The following MEF2C variants were observed in gnomAD, a reference collection of about 807,000 sequenced individuals.
MEF2C encodes myocyte-specific enhancer factor 2C.
MEF2C carries 6 observed loss-of-function variants against 50.5 expected under a neutral mutation model. The ratio of observed to expected loss-of-function variants is 0.12; its 90% CI spans 0.07 to 0.23. The LOEUF (loss-of-function observed/expected upper bound fraction) is 0.23, where lower values mean the gene tolerates loss of function less well. Among genes scored for constraint, MEF2C ranks in the 10% least tolerant of loss-of-function variants. MEF2C has a pLI of 1.00. For synonymous variants in MEF2C, 183 were observed against 228.0 expected, an observed-to-expected ratio of 0.80 and a Z score of 1.78; for missense variants, 276 against 605.0, an observed-to-expected ratio of 0.46 and a Z score of 5.70.
At chr5:88,852,609 G>C (rs748862403) in intron 1 of MEF2C, among the ~76,000 whole-genome samples, 1 of 151,912 alleles carries the variant, frequency 6.6e-6, no homozygotes, top group Non-Finnish European at 1.5e-5. Flanking sequence ...GGTGGCTCAC[G>C]CCTGTAATCC....
At chr5:88,794,106 C>T (rs1182208939) in intron 3 of MEF2C, among the ~76,000 whole-genome samples, 2 of 152,162 alleles carry the variant, frequency 1.3e-5, no homozygotes, top group African/African-American at 2.4e-5. Context: ...AATAAACATA[C>T]ATGTGCATGT....
At chr5:88,785,893 G>C (rs1179004170) in intron 3 of MEF2C, among the ~76,000 whole-genome samples, 1 of 151,976 alleles carries the variant, frequency 6.6e-6, no homozygotes, top group Non-Finnish European at 1.5e-5. Context: ...CTAGAAGTCT[G>C]AAGAGAGAGT....
intron 1 of MEF2C, among the ~76,000 whole-genome samples, chr5:88,866,900 T>A (rs192940295): frequency 6.6e-6 from 1 of 152,342 alleles, no homozygotes; most frequent in African/African-American, 2.4e-5. Context: ...TCTCACATTT[T>A]TGAATTAAAA....
chr5:88,734,561 G>GTTTTTTTT lies in MEF2C; in HGVS notation c.638-2661_638-2660insAAAAAAAA, dbSNP rs1554103551. ...ATGCTTCACGGAGGCCTTGAGAAAA[G>GTTTTTTTT]TTTGTTTTTTTTTTTTTTTTTTTTT... is the stretch of plus-strand genomic sequence containing the variant. On this transcript the variant is annotated intron_variant, in intron 6 of 10. Transcript: ENST00000504921. The GTTTTTTTT allele has an allele frequency of 4.9e-4, 124 of 254,270 alleles. 1 individual carries two copies. Among genetic ancestry groups the GTTTTTTTT allele is most frequent in the Admixed American group, 6.1e-4 (3 of 4,908 alleles). 15.8% of individuals were successfully genotyped at this position (254,270 alleles called of 1,614,324 possible).
At chr5:88,872,163 G>T (rs1829721292) in intron 1 of MEF2C, among the ~76,000 whole-genome samples, 1 of 151,896 alleles carries the variant, frequency 6.6e-6, no homozygotes, top group South Asian at 2.1e-4. Context: ...TACAAAAGTG[G>T]ATAATACTAA....
chr5:88,830,154 T>A (rs1812473111), intron 1 of MEF2C, among the ~76,000 whole-genome samples: 1 of 151,974 alleles, frequency 6.6e-6, no homozygotes, highest in South Asian at 2.1e-4. Flanking sequence ...AATTAAGAAG[T>A]TTCTCTTACA....
rs1169605093 is a variant in MEF2C, at chr5:88,797,454, C to CTTTTT, written c.258+7143_258+7144insAAAAA. On this transcript the variant is annotated intron_variant, in intron 3 of 10. Transcript: ENST00000504921. ...TCACAGACTAGGATTGCAACCCTTG[C>CTTTTT]CTTTTTTTTTTTTTTTTTTTTTTTT... Among the ~76,000 whole-genome samples the CTTTTT allele has an allele frequency of 8.3e-4, 21 of 25,218 alleles. 8 individuals carry two copies. The highest frequency in any genetic ancestry group is 1.9e-3 in the East Asian group (2 of 1,080). The allele number at this position is 25,218 out of a possible 152,430, so 16.5% of individuals were successfully genotyped here.
At chr5:88,777,981 T>TTG (rs1320613589) in intron 3 of MEF2C, among the ~76,000 whole-genome samples, 2 of 137,760 alleles carry the variant, frequency 1.5e-5, no homozygotes, top group African/African-American at 5.3e-5. Flanking sequence ...CTTGGCTCAC[T>TTG]GCAAGCTCCG....
At chr5:88,882,782 A>T (rs1319574061) in intron 1 of MEF2C, among the ~76,000 whole-genome samples, 173 bp downstream of exon 1, 1 of 152,188 alleles carries the variant, frequency 6.6e-6, no homozygotes, top group Non-Finnish European at 1.5e-5. Context: ...ACTTTTAGCA[A>T]CAAACAAGGA....
At chr5:88,775,836 T>C (rs1007839776) in intron 3 of MEF2C, 2 of 982,242 alleles carry the variant, frequency 2.0e-6, no homozygotes, top group Admixed American at 1.2e-4. Flanking sequence ...ATAGAGAGTA[T>C]TTTTGTGTGT....
intron 6 of MEF2C, chr5:88,744,189 T>C (rs1768221757): frequency 1.1e-6 from 1 of 918,802 alleles, no homozygotes; most frequent in African/African-American, 2.1e-5. Flanking sequence ...TTATTTCCAT[T>C]AAATCTAATG....
intron 2 of MEF2C, among the ~76,000 whole-genome samples, chr5:88,818,271 A>C (rs1365832132): frequency 1.3e-5 from 2 of 152,004 alleles, no homozygotes; most frequent in East Asian, 3.9e-4. Context: ...AAGCACCCCC[A>C]AAACCATCTG....
chr5:88,761,412 A>C, intron 3 of MEF2C, 84 bp from the exon 4 acceptor site: 3 of 1,474,586 alleles, frequency 2.0e-6, no homozygotes, highest in Non-Finnish European at 2.7e-6. Context: ...CAAGCTGTCC[A>C]GTATTTCAGG....
At chr5:88,874,933 G>A (rs1010934317) in intron 1 of MEF2C, among the ~76,000 whole-genome samples, 2 of 151,910 alleles carry the variant, frequency 1.3e-5, no homozygotes, top group African/African-American at 4.8e-5. Context: ...AAGAAGGCTA[G>A]TTTTAGAAAG....
chr5:88,888,166 C>A (rs1834188128), upstream of MEF2C: 1 of 152,180 alleles, frequency 6.6e-6, no homozygotes, highest in Non-Finnish European at 1.5e-5. Context: ...ACCAATAATA[C>A]CTTATTTTTC....
At chr5:88,748,091 A>G in intron 6 of MEF2C, 3 of 985,214 alleles carry the variant, frequency 3.0e-6, no homozygotes, top group Non-Finnish European at 3.6e-6. Flanking sequence ...GAATTAGTGA[A>G]GAGCCAGCAT....
chr5:88,770,284 G>T (rs1253111216), intron 3 of MEF2C, among the ~76,000 whole-genome samples: 1 of 152,198 alleles, frequency 6.6e-6, no homozygotes, highest in African/African-American at 2.4e-5. Flanking sequence ...ACATGTTGGA[G>T]CATCTTTCAT....
At position 88,801,778 on chromosome 5, in the gene MEF2C, G is replaced by A. The variant is rs568011320; in HGVS notation, c.258+2820C>T. ...TGGGATTACAGGTGTGAGTCACCGT[G>A]CCTGGCCTACTTGGGGAACTTTTTA... On this transcript the variant is annotated intron_variant, in intron 3 of 10. Coordinates refer to ENST00000504921, the MANE Select transcript of MEF2C (RefSeq NM_002397.5). 3.9e-5 allele frequency among the ~76,000 whole-genome samples: 6 copies of A among 152,218 alleles called. No individual in the cohort carries two copies. In the South Asian group the frequency reaches 1.2e-3, roughly 32 times the overall value.
chr5:88,783,888 A>G lies in MEF2C; in HGVS notation c.258+20710T>C, dbSNP rs140061101. ...CAAACTTGTATTTCTCCTGGCATCA[A>G]TATAAAGTTCTGTATATCCTAAGAA... is the stretch of plus-strand genomic sequence containing the variant. On this transcript the variant is annotated intron_variant, in intron 3 of 10. Coordinates refer to ENST00000504921, the MANE Select transcript of MEF2C (RefSeq NM_002397.5). 2.4e-4 allele frequency among the ~76,000 whole-genome samples: 36 copies of G among 152,356 alleles called. No homozygotes were observed. In the East Asian group the frequency reaches 7.0e-3, roughly 29 times the overall value.
Sources: gnomAD v4.1 joint callset for allele counts (sites outside exome capture counted in the v4.1 genomes callset) on GRCh38, gnomAD v4.1.1 for gene constraint, MANE v1.5 for transcripts, NCBI Gene and HGNC (gene_info 2026-07-23, HGNC 2026-07-21) for gene names.